The following OPHN1 variants were observed in gnomAD, a reference collection of about 807,000 sequenced individuals.
OPHN1 encodes the protein oligophrenin 1.
Under a neutral mutation model 60.7 loss-of-function variants are expected in OPHN1, and 11 were observed. That is an observed-to-expected ratio of 0.18 (90% CI 0.11 to 0.30). The LOEUF is 0.30. OPHN1 is among the 10% of genes least tolerant of loss of function. The pLI, the probability that OPHN1 is intolerant of heterozygous loss-of-function variation, is 1.00. For missense variants in OPHN1, 449 were observed against 611.0 expected (o/e 0.73, Z 2.80); for synonymous variants, 226 against 222.6 (o/e 1.02, Z -0.14).
intron 21 of OPHN1, among the ~76,000 whole-genome samples, chrX:68,059,088 C>A (rs2076883848): frequency 1.8e-5 from 2 of 111,983 alleles, no homozygotes; most frequent in Admixed American, 9.4e-5. Context: ...GGAGCCTGAG[C>A]TTTTAACCAC....
intron 6 of OPHN1, among the ~76,000 whole-genome samples, chrX:68,215,949 G>T (rs1273736973): frequency 1.8e-5 from 2 of 111,511 alleles, no homozygotes; most frequent in Non-Finnish European, 3.8e-5. Flanking sequence ...CACTAGAAAA[G>T]AAATAAATGA....
At chrX:68,207,832 C>T (rs1260718992) in intron 9 of OPHN1, among the ~76,000 whole-genome samples, 2 of 111,221 alleles carry the variant, frequency 1.8e-5, no homozygotes, top group Non-Finnish European at 3.8e-5. Flanking sequence ...TTATTTAAGA[C>T]TGAATGAGGC....
chrX:68,387,987 A>G (rs1045603997), intron 2 of OPHN1, among the ~76,000 whole-genome samples: 1 of 109,549 alleles, frequency 9.1e-6, no homozygotes, highest in African/African-American at 3.3e-5. Context: ...CAAAGGGAAC[A>G]GCACAGGCAA....
intron 2 of OPHN1, among the ~76,000 whole-genome samples, chrX:68,306,335 A>C (rs2078145119): frequency 8.9e-6 from 1 of 112,259 alleles, no homozygotes; most frequent in Admixed American, 9.5e-5. Flanking sequence ...GGGGGAAGCC[A>C]GGTAAAGATA....
intron 2 of OPHN1, among the ~76,000 whole-genome samples, chrX:68,354,754 C>CA (rs57233437): frequency 0.035 from 1,622 of 46,295 alleles, 34 homozygotes; most frequent in African/African-American, 0.065. Flanking sequence ...GACTCCGTCT[C>CA]AAAAAAAAAA....
chrX:68,230,985 G>A (rs1444739634), intron 6 of OPHN1, among the ~76,000 whole-genome samples: 1 of 111,083 alleles, frequency 9.0e-6, no homozygotes, highest in Non-Finnish European at 1.9e-5. Flanking sequence ...CTGGTTCTTT[G>A]AAAAAAATCA....
chrX:68,120,831 G>T (rs922136019), intron 15 of OPHN1, among the ~76,000 whole-genome samples: 1 of 111,918 alleles, frequency 8.9e-6, no homozygotes, highest in Non-Finnish European at 1.9e-5. Flanking sequence ...AAGTCCAGAC[G>T]TAAACCCAAG....
At chrX:68,079,588 C>A (rs1455634258) in intron 19 of OPHN1, among the ~76,000 whole-genome samples, 1 of 111,827 alleles carries the variant, frequency 8.9e-6, no homozygotes, top group Non-Finnish European at 1.9e-5. Flanking sequence ...ATTATGTCCT[C>A]AACCTTCTAA....
intron 15 of OPHN1, among the ~76,000 whole-genome samples, chrX:68,119,868 C>T (rs1411766301): frequency 9.0e-6 from 1 of 111,646 alleles, no homozygotes; most frequent in Non-Finnish European, 1.9e-5. Flanking sequence ...GAAAAATCCC[C>T]TCATGCTTCC....
At chrX:68,124,531 C>G (rs2077162274) in intron 15 of OPHN1, among the ~76,000 whole-genome samples, 1 of 111,680 alleles carries the variant, frequency 9.0e-6, no homozygotes, top group African/African-American at 3.3e-5. Context: ...TCGACTTAAT[C>G]TGCACTATGG....
At chrX:68,373,907 A>T (rs1026664388) in intron 2 of OPHN1, among the ~76,000 whole-genome samples, 1 of 110,857 alleles carries the variant, frequency 9.0e-6, no homozygotes, top group Non-Finnish European at 1.9e-5. Context: ...TTGGGGGAAG[A>T]AAAAAAAACT....
In OPHN1 at chrX:68,053,671, G is replaced by T; in HGVS notation, c.2298C>A (p.Gly766=). 2 of 1,211,338 alleles carry T rather than the reference G, an allele frequency of 1.7e-6. No individual in the cohort carries two copies. Among genetic ancestry groups the T allele is most frequent in the Non-Finnish European group, 2.2e-6 (2 of 895,313 alleles). Residue 766 remains glycine (G), a synonymous_variant, in exon 22 of 25, where the codon GGC becomes GGA. Transcript: ENST00000355520. The part of the protein sequence containing the change: ...KPEPKPDIVA[G]NAGEITSSVV... ...CAGATGATGTGATTTCCCCCGCATTGCCAGCCACAATATCTGGCTTTGGTT... is the reference window on the plus strand; with the variant it reads ...CAGATGATGTGATTTCCCCCGCATTTCCAGCCACAATATCTGGCTTTGGTT...
chrX:68,065,442 G>T (rs1446867829), intron 20 of OPHN1, among the ~76,000 whole-genome samples: 2 of 111,887 alleles, frequency 1.8e-5, no homozygotes, highest in African/African-American at 3.2e-5. Flanking sequence ...ACGGGTAGGG[G>T]TATAGATGAA....
At chrX:68,162,357 ATCCT>A (rs1190684311) in intron 15 of OPHN1, among the ~76,000 whole-genome samples, 1 of 110,005 alleles carries the variant, frequency 9.1e-6, no homozygotes, top group Non-Finnish European at 1.9e-5. Context: ...GTTATTTAAG[ATCCT>A]TCATATAAAC....
At chrX:68,320,965 G>A (rs145575443) in intron 2 of OPHN1, among the ~76,000 whole-genome samples, 3,671 of 112,182 alleles carry the variant, frequency 0.033, 55 homozygotes, top group Non-Finnish European at 0.048. Context: ...TGTGGAAAGA[G>A]GAACAGGGCT....
chrX:68,104,744 G>A (rs2077073990), intron 18 of OPHN1, among the ~76,000 whole-genome samples: 1 of 111,861 alleles, frequency 8.9e-6, no homozygotes. Flanking sequence ...CAGGACATAG[G>A]CATGCGCAAT....
At chrX:68,151,122 T>C (rs2077283758) in intron 15 of OPHN1, among the ~76,000 whole-genome samples, 1 of 111,669 alleles carries the variant, frequency 9.0e-6, no homozygotes, top group Non-Finnish European at 1.9e-5. Context: ...TTCAGACAGC[T>C]GCCTAGAGGC....
At chrX:68,302,754 C>T (rs2078126849) in intron 2 of OPHN1, among the ~76,000 whole-genome samples, 1 of 109,845 alleles carries the variant, frequency 9.1e-6, no homozygotes, top group Non-Finnish European at 1.9e-5. Context: ...CCTGTCTCCA[C>T]ACAAAAAAAT....
chrX:68,216,665 C>T (rs979527192), intron 6 of OPHN1, among the ~76,000 whole-genome samples: 1 of 111,015 alleles, frequency 9.0e-6, no homozygotes, highest in Non-Finnish European at 1.9e-5. Flanking sequence ...AATCTTTCTG[C>T]ACAACAAGAT....
Sources: allele counts gnomAD v4.1 joint callset (sites outside exome capture counted in the v4.1 genomes callset), GRCh38; gene constraint gnomAD v4.1.1; transcripts MANE v1.5; gene names NCBI Gene and HGNC (gene_info 2026-07-23, HGNC 2026-07-21).